The following WWOX variants were observed in gnomAD, a reference collection of about 807,000 sequenced individuals.
The protein encoded by WWOX is WW domain containing oxidoreductase.
Under a neutral mutation model 46.2 loss-of-function variants are expected in WWOX, and 69 were observed. That is an observed-to-expected ratio of 1.49 (90% CI 1.23 to 1.82). The LOEUF (loss-of-function observed/expected upper bound fraction) is 1.82. WWOX is among the 40% of genes most tolerant of loss of function. WWOX has a pLI of 0.00. For synonymous variants in WWOX, 359 were observed against 202.6 expected (o/e 1.77, Z -6.56); for missense variants, 919 against 542.6 (o/e 1.69, Z -6.89).
intron 8 of WWOX, among the ~76,000 whole-genome samples, chr16:79,186,616 C>T (rs1318597448): frequency 1.3e-5 from 2 of 152,160 alleles, no homozygotes; most frequent in East Asian, 1.9e-4. Context: ...CATTCTGAGG[C>T]AATGGCGGTT....
At chr16:79,029,591 C>T (rs370795430) in intron 8 of WWOX, among the ~76,000 whole-genome samples, 3 of 152,170 alleles carry the variant, frequency 2.0e-5, no homozygotes, top group Non-Finnish European at 4.4e-5. Flanking sequence ...ATATCCTCCT[C>T]CTACCCCACA....
Position 78,164,279 on chromosome 16 carries a change from T to C in WWOX, c.506T>C (p.Leu169Ser). The change falls in exon 5 of 9, where the codon TTA (leucine) becomes TCA (serine). Residue 169 changes from leucine (L) to serine (S), a missense_variant. Coordinates refer to ENST00000566780, the MANE Select transcript of WWOX (RefSeq NM_016373.4). ...ARASEAVSRILEEWHKAKVEA... is the reference protein window; with the variant it reads ...ARASEAVSRISEEWHKAKVEA... Reference sequence around the variant, plus strand: ...GCGAGTGAAGCAGTGTCACGCATTTTAGAAGAATGGGTAAGTGCTTGACTG... The same window carrying C: ...GCGAGTGAAGCAGTGTCACGCATTTCAGAAGAATGGGTAAGTGCTTGACTG... 1 of 1,614,040 alleles carries C rather than the reference T, an allele frequency of 6.2e-7. No homozygotes were observed. The highest frequency in any genetic ancestry group is 1.1e-5 in the South Asian group (1 of 91,032).
intron 5 of WWOX, among the ~76,000 whole-genome samples, chr16:78,304,422 T>C (rs1280959215): frequency 6.6e-6 from 1 of 152,210 alleles, no homozygotes; most frequent in Non-Finnish European, 1.5e-5. Context: ...CTGCAGAGGC[T>C]TCTAGAATTT....
chr16:78,151,059 T>TTTTA (rs397792067), intron 4 of WWOX, among the ~76,000 whole-genome samples: 1 of 151,050 alleles, frequency 6.6e-6, no homozygotes, highest in Non-Finnish European at 1.5e-5. Flanking sequence ...TTTTTTTTTT[T>TTTTA]AGAGATGGGA....
In WWOX at chr16:78,904,668, T is replaced by C. The variant is rs1387978126; in HGVS notation, c.1057-306940T>C. ...ATTTATCATCCACACTGGCACCTTT[T>C]TGAGAGAGGTTGGGGAGCAGGTAAT... is the stretch of plus-strand genomic sequence containing the variant. On this transcript the variant is annotated intron_variant, in intron 8 of 8. Coordinates refer to ENST00000566780, the MANE Select transcript of WWOX (RefSeq NM_016373.4). Among the ~76,000 whole-genome samples, 2 of 152,074 alleles carry C rather than the reference T, an allele frequency of 1.3e-5. 1 individual carries two copies. The highest frequency in any genetic ancestry group is 4.1e-4 in the South Asian group (2 of 4,820).
chr16:78,588,723 C>G (rs1163971332), intron 8 of WWOX, among the ~76,000 whole-genome samples: 1 of 152,142 alleles, frequency 6.6e-6, no homozygotes, highest in Non-Finnish European at 1.5e-5. Context: ...GAGTATGTCA[C>G]TTATTGACGT....
At position 78,374,527 on chromosome 16, in the gene WWOX, A is replaced by ATTTTTTTTTTTTTTTTTTT. The variant is rs541225697; in HGVS notation, c.517-12312_517-12294dup. Among the ~76,000 whole-genome samples, 7 of 70,902 alleles carry ATTTTTTTTTTTTTTTTTTT rather than the reference A, an allele frequency of 9.9e-5. 1 individual carries two copies. The highest frequency in any genetic ancestry group is 1.5e-4 in the Non-Finnish European group (6 of 38,874). The allele number at this position is 70,902 out of a possible 152,430, so 46.5% of individuals were successfully genotyped here. A position where few individuals can be genotyped will look rare whatever the true frequency, so the allele number is the denominator to read the frequency against. On this transcript the variant is annotated intron_variant, in intron 5 of 8. Coordinates refer to ENST00000566780, the MANE Select transcript of WWOX (RefSeq NM_016373.4). ...GAGTCCTCAACTTTTTCTGTCTTGA[A>ATTTTTTTTTTTTTTTTTTT]TTTTTTTTTTTTTTTTTTTTTTTTT...
chr16:78,546,039 C>G (rs1449664322), intron 8 of WWOX, among the ~76,000 whole-genome samples: 1 of 152,166 alleles, frequency 6.6e-6, no homozygotes, highest in African/African-American at 2.4e-5. Context: ...GTAACATGCT[C>G]TATGCTGGGC....
chr16:78,931,436 A>C (rs1485303006), intron 8 of WWOX, among the ~76,000 whole-genome samples: 1 of 152,184 alleles, frequency 6.6e-6, no homozygotes, highest in East Asian at 1.9e-4. Flanking sequence ...TAAAAGTTTG[A>C]GCTGGAAATG....
chr16:79,065,231 A>G (rs2048420673), intron 8 of WWOX, among the ~76,000 whole-genome samples: 1 of 152,214 alleles, frequency 6.6e-6, no homozygotes. Flanking sequence ...CCTGCTGCAC[A>G]GGTAAAACCC....
At chr16:78,728,640 C>G (rs2048892201) in intron 8 of WWOX, among the ~76,000 whole-genome samples, 1 of 152,214 alleles carries the variant, frequency 6.6e-6, no homozygotes, top group African/African-American at 2.4e-5. Flanking sequence ...CTGGAAGGGT[C>G]TCAGAGACAT....
chr16:78,971,419 C>T (rs2046466174), intron 8 of WWOX, among the ~76,000 whole-genome samples: 1 of 131,622 alleles, frequency 7.6e-6, no homozygotes, highest in Non-Finnish European at 1.6e-5. Flanking sequence ...CACGCCACTG[C>T]TCTCCAGTCT....
At chr16:78,736,298 G>A (rs2049090384) in intron 8 of WWOX, among the ~76,000 whole-genome samples, 1 of 152,152 alleles carries the variant, frequency 6.6e-6, no homozygotes, top group Non-Finnish European at 1.5e-5. Flanking sequence ...ATCCTCATGG[G>A]GACCTGTATG....
At chr16:78,576,743 A>G (rs1389899858) in intron 8 of WWOX, among the ~76,000 whole-genome samples, 1 of 152,148 alleles carries the variant, frequency 6.6e-6, no homozygotes, top group African/African-American at 2.4e-5. Flanking sequence ...AAAGGGGGAT[A>G]TTTCTTAAGC....
intron 8 of WWOX, among the ~76,000 whole-genome samples, chr16:78,864,177 A>G (rs1261610967): frequency 6.6e-6 from 1 of 152,158 alleles, no homozygotes; most frequent in African/African-American, 2.4e-5. Flanking sequence ...TCATACAGTA[A>G]ATCTATGGTT....
intron 5 of WWOX, among the ~76,000 whole-genome samples, chr16:78,270,913 A>G (rs1275788075): frequency 6.6e-6 from 1 of 152,224 alleles, no homozygotes; most frequent in Non-Finnish European, 1.5e-5. Flanking sequence ...GGCCCTTCAC[A>G]GAGAAAATGT....
intron 6 of WWOX, among the ~76,000 whole-genome samples, chr16:78,396,124 G>C (rs2082279851): frequency 2.0e-5 from 3 of 152,296 alleles, no homozygotes; most frequent in Admixed American, 2.0e-4. Flanking sequence ...CTTGGCTAGA[G>C]ATTGGAAATA....
chr16:78,880,868 C>T (rs1021064315), intron 8 of WWOX, among the ~76,000 whole-genome samples: 2 of 151,624 alleles, frequency 1.3e-5, no homozygotes, highest in African/African-American at 2.4e-5. Context: ...GCTCTGCCTT[C>T]TTGTCTATGA....
At chr16:78,503,119 G>A (rs1597176997) in intron 8 of WWOX, among the ~76,000 whole-genome samples, 3 of 152,114 alleles carry the variant, frequency 2.0e-5, no homozygotes, top group South Asian at 4.1e-4. Context: ...GGCCTAACTC[G>A]CAAGCGATGT....
Sources: allele counts gnomAD v4.1 joint callset (sites outside exome capture counted in the v4.1 genomes callset), GRCh38; gene constraint gnomAD v4.1.1; transcripts MANE v1.5; gene names NCBI Gene and HGNC (gene_info 2026-07-23, HGNC 2026-07-21).